Variants in TBC1D30 observed in about 807,000 individuals in gnomAD.
TBC1D30 encodes the protein TBC1 domain family, member 30.
In TBC1D30, 31 loss-of-function variants were observed where a neutral mutation model predicts 63.2. That is an observed-to-expected ratio of 0.49 (90% CI 0.37 to 0.66). TBC1D30 has a LOEUF of 0.66. Ranked by LOEUF, TBC1D30 falls within the 30% of genes least tolerant of loss-of-function variation. TBC1D30 has a pLI of 0.00. For synonymous variants in TBC1D30, 307 were observed against 361.5 expected (o/e 0.85, Z 1.71); for missense variants, 810 against 953.6 (o/e 0.85, Z 1.98).
intron 8 of TBC1D30, among the ~76,000 whole-genome samples, chr12:64,845,785 G>A (rs1036371253): frequency 2.0e-5 from 3 of 151,158 alleles, no homozygotes; most frequent in South Asian, 4.2e-4. Flanking sequence ...TCAGCCTCCC[G>A]AGTAGCTGGA....
chr12:64,848,697 C>T (rs921672225), intron 8 of TBC1D30, among the ~76,000 whole-genome samples: 2 of 152,070 alleles, frequency 1.3e-5, no homozygotes, highest in Admixed American at 6.5e-5. Context: ...GGGTTGGTTC[C>T]AAGTCTTTGC....
chr12:64,810,158 G>A (rs1873123210), intron 2 of TBC1D30, among the ~76,000 whole-genome samples: 1 of 152,102 alleles, frequency 6.6e-6, no homozygotes. Flanking sequence ...AGTGACCTTT[G>A]GTATTTGAGA....
intron 2 of TBC1D30, chr12:64,787,301 T>C: frequency 1.1e-6 from 1 of 877,336 alleles, no homozygotes; most frequent in Non-Finnish European, 1.4e-6. Flanking sequence ...GCAATAGCCT[T>C]ATGTTTTATT....
rs746678917 is a variant in TBC1D30 at position 64,875,811 on chromosome 12, T to C, written c.*23T>C. 1.3e-4 allele frequency: 197 copies of C among 1,509,548 alleles called. No individual in the cohort carries two copies. Among genetic ancestry groups the C allele is most frequent in the Non-Finnish European group, 1.6e-4 (183 of 1,135,376 alleles). 93.5% of individuals were successfully genotyped at this position (1,509,548 alleles called of 1,614,324 possible). ...TGATGTCTCCCCGAAACTTTGTATC[T>C]GGACTCACCTTTTCACAGTAGTATA... On this transcript the variant is annotated 3_prime_UTR_variant, in exon 12 of 12. Transcript: ENST00000539867.
At chr12:64,861,577 T>C (rs1877795606) in intron 8 of TBC1D30, among the ~76,000 whole-genome samples, 1 of 152,260 alleles carries the variant, frequency 6.6e-6, no homozygotes, top group South Asian at 2.1e-4. Context: ...GTTTCCCCCT[T>C]GTAGATCACT....
intron 1 of TBC1D30, among the ~76,000 whole-genome samples, chr12:64,765,729 C>T (rs1870687832): frequency 6.6e-6 from 1 of 150,824 alleles, no homozygotes; most frequent in Non-Finnish European, 1.5e-5. Flanking sequence ...GGCACAGTGG[C>T]ACACACTTGT....
intron 2 of TBC1D30, among the ~76,000 whole-genome samples, chr12:64,792,316 C>G (rs114619629): frequency 2.0e-4 from 30 of 152,312 alleles, no homozygotes; most frequent in African/African-American, 7.0e-4. Flanking sequence ...CATTACCTTG[C>G]TTTTCTTTAT....
At chr12:64,856,765 A>G (rs983368742) in intron 8 of TBC1D30, among the ~76,000 whole-genome samples, 2 of 152,052 alleles carry the variant, frequency 1.3e-5, no homozygotes, top group Non-Finnish European at 2.9e-5. Context: ...AATTTACATG[A>G]TAGTCTATTC....
At chr12:64,793,678 A>C (rs1163395271) in intron 2 of TBC1D30, among the ~76,000 whole-genome samples, 1 of 152,068 alleles carries the variant, frequency 6.6e-6, no homozygotes, top group Non-Finnish European at 1.5e-5. Context: ...CAAAAACACA[A>C]ATAAAAACCA....
In TBC1D30 at chr12:64,878,739, T is replaced by C; in HGVS notation, c.*2951T>C. 1 of 350,108 alleles carries C rather than the reference T, an allele frequency of 2.9e-6. No homozygotes were observed. Among genetic ancestry groups the C allele is most frequent in the South Asian group, 2.2e-5 (1 of 45,146 alleles). The allele number at this position is 350,108 out of a possible 1,614,324, so 21.7% of individuals were successfully genotyped here. ...CAACCCCAGACCCCCCTTGGTCACA[T>C]GAACCAGGGAAACAGCCCAATAAGC... On this transcript the variant is annotated 3_prime_UTR_variant, in exon 12 of 12. Coordinates refer to ENST00000539867, the MANE Select transcript of TBC1D30 (RefSeq NM_015279.2).
chr12:64,777,091 A>T (rs12309263), upstream of TBC1D30, among the ~76,000 whole-genome samples: 6,239 of 152,298 alleles, frequency 0.041, 409 homozygotes, highest in African/African-American at 0.14. Context: ...TAAACTAGGT[A>T]TTGAAGTAAC....
At chr12:64,845,784 C>T (rs567037121) in intron 8 of TBC1D30, among the ~76,000 whole-genome samples, 6 of 151,838 alleles carry the variant, frequency 4.0e-5, no homozygotes, top group South Asian at 2.1e-4. Flanking sequence ...CTCAGCCTCC[C>T]GAGTAGCTGG....
chr12:64,780,840 C>CGG lies in TBC1D30; in HGVS notation c.35_36dup (p.Leu13GlyfsTer71). On this transcript the variant is annotated frameshift_variant, in exon 1 of 13. Coordinates refer to the TBC1D30 transcript ENST00000542120. LOFTEE classifies it high-confidence loss of function. ...GTCCTTCCCACCGGCGGGGGCCGCCCGGGGCTCCGGACGGAGCTGGAATTC... is the reference window on the plus strand; with the variant it reads ...GTCCTTCCCACCGGCGGGGGCCGCCCGGGGGGCTCCGGACGGAGCTGGAATTC... 1.0e-6 allele frequency: 1 copy of CGG among 998,106 alleles called. No homozygotes were observed. The highest frequency in any genetic ancestry group is 1.2e-6 in the Non-Finnish European group (1 of 836,290). 61.8% of individuals were successfully genotyped at this position (998,106 alleles called of 1,614,324 possible). A position where few individuals can be genotyped will look rare whatever the true frequency, so the allele number is the denominator to read the frequency against.
rs747169060 is a variant in TBC1D30, at chr12:64,878,345, A to G, written c.*2557A>G. ...CCAGTATGGACTTGCTATCTTCCCT[A>G]TGTATTGGACACTGTATGCAAACAC... On this transcript the variant is annotated 3_prime_UTR_variant, in exon 12 of 12. Coordinates refer to ENST00000539867, the MANE Select transcript of TBC1D30 (RefSeq NM_015279.2). 1.6e-5 allele frequency: 7 copies of G among 428,782 alleles called. No individual in the cohort carries two copies. The highest frequency in any genetic ancestry group is 2.8e-5 in the Non-Finnish European group (6 of 212,428). 26.6% of individuals were successfully genotyped at this position (428,782 alleles called of 1,614,324 possible).
intron 8 of TBC1D30, among the ~76,000 whole-genome samples, chr12:64,845,544 G>T (rs1009759587): frequency 3.3e-5 from 5 of 151,984 alleles, no homozygotes; most frequent in Admixed American, 6.6e-5. Flanking sequence ...GACTAACACG[G>T]TGAAACCCTG....
chr12:64,856,589 C>A (rs146551767), intron 8 of TBC1D30, among the ~76,000 whole-genome samples: 3 of 152,186 alleles, frequency 2.0e-5, no homozygotes, highest in African/African-American at 4.8e-5. Context: ...GATGCAAACA[C>A]CCCTGTGGCC....
chr12:64,801,948 G>A (rs754327163), intron 2 of TBC1D30, among the ~76,000 whole-genome samples: 5 of 152,048 alleles, frequency 3.3e-5, no homozygotes, highest in East Asian at 1.9e-4. Flanking sequence ...GCTTTTTGGC[G>A]TTTTTGCTGT....
intron 2 of TBC1D30, among the ~76,000 whole-genome samples, chr12:64,787,938 G>T (rs1383140307): frequency 6.6e-6 from 1 of 152,132 alleles, no homozygotes; most frequent in Non-Finnish European, 1.5e-5. Flanking sequence ...GGAGGCTGAG[G>T]CAGGAGAATC....
At chr12:64,776,551 G>T (rs1334367883), upstream of TBC1D30, among the ~76,000 whole-genome samples, 1 of 152,054 alleles carries the variant, frequency 6.6e-6, no homozygotes, top group Non-Finnish European at 1.5e-5. Context: ...TTTTAAGACT[G>T]AGCCAGGAAG....
Sources: gnomAD v4.1 joint callset for allele counts (sites outside exome capture counted in the v4.1 genomes callset) on GRCh38, gnomAD v4.1.1 for gene constraint, MANE v1.5 for transcripts, NCBI Gene and HGNC (gene_info 2026-07-23, HGNC 2026-07-21) for gene names.